CDKAL1: variants seen among roughly 807,000 people sequenced by gnomAD.
CDKAL1 encodes CDKAL1 threonylcarbamoyladenosine tRNA methylthiotransferase, also known as threonylcarbamoyladenosine tRNA methylthiotransferase.
CDKAL1 carries 32 observed loss-of-function variants against 68.2 expected under a neutral mutation model. That is an observed-to-expected ratio of 0.47 (90% CI 0.35 to 0.63). CDKAL1 has a LOEUF of 0.63. CDKAL1 is among the 30% of genes least tolerant of loss of function. The pLI is 0.00. For synonymous variants in CDKAL1, 234 were observed against 244.3 expected, an observed-to-expected ratio of 0.96 and a Z score of 0.39; for missense variants, 606 against 696.7, an observed-to-expected ratio of 0.87 and a Z score of 1.47.
At chr6:21,223,285 C>T (rs1779603549) in intron 15 of CDKAL1, among the ~76,000 whole-genome samples, 1 of 152,100 alleles carries the variant, frequency 6.6e-6, no homozygotes, top group Admixed American at 6.5e-5. Context: ...TAAAGCCAGG[C>T]CACTCATCTG....
chr6:20,864,549 G>A (rs896413978), intron 9 of CDKAL1, among the ~76,000 whole-genome samples: 1 of 152,114 alleles, frequency 6.6e-6, no homozygotes, highest in African/African-American at 2.4e-5. Flanking sequence ...ATTTCTAACT[G>A]TGACTGATAG....
intron 8 of CDKAL1, among the ~76,000 whole-genome samples, chr6:20,791,034 G>A (rs1478672981): frequency 3.9e-5 from 6 of 152,152 alleles, no homozygotes; most frequent in African/African-American, 7.2e-5. Flanking sequence ...TTCTCAATCC[G>A]GTCCGTGGAT....
chr6:20,650,021 A>G (rs1044811986), intron 5 of CDKAL1, among the ~76,000 whole-genome samples: 1 of 152,178 alleles, frequency 6.6e-6, no homozygotes, highest in Non-Finnish European at 1.5e-5. Context: ...GCTGCAATGA[A>G]CATATGTGTG....
At chr6:20,901,681 GA>G (rs77788195) in intron 9 of CDKAL1, among the ~76,000 whole-genome samples, 108 of 86,334 alleles carry the variant, frequency 1.3e-3, no homozygotes, top group Admixed American at 4.3e-3. Flanking sequence ...ACTCCATCTG[GA>G]AAAAAAAAAA....
intron 5 of CDKAL1, among the ~76,000 whole-genome samples, chr6:20,664,555 A>G (rs1244157346): frequency 6.6e-6 from 1 of 152,176 alleles, no homozygotes; most frequent in African/African-American, 2.4e-5. Flanking sequence ...CAAATGAGAA[A>G]ATGGTTTGAG....
At chr6:21,154,277 A>T (rs1776543477) in intron 13 of CDKAL1, among the ~76,000 whole-genome samples, 1 of 152,228 alleles carries the variant, frequency 6.6e-6, no homozygotes, top group African/African-American at 2.4e-5. Context: ...CTTTAAACTT[A>T]ACTGCAAAGA....
intron 9 of CDKAL1, among the ~76,000 whole-genome samples, chr6:20,953,490 C>T (rs1196563352): frequency 1.3e-5 from 2 of 152,114 alleles, no homozygotes; most frequent in Non-Finnish European, 2.9e-5. Context: ...GGATAATGTC[C>T]TGTTTTTATA....
chr6:20,775,829 G>A (rs1581556820), intron 7 of CDKAL1, among the ~76,000 whole-genome samples: 2 of 152,252 alleles, frequency 1.3e-5, no homozygotes, highest in South Asian at 4.2e-4. Context: ...CTTGAAAGAG[G>A]ATTTCTAAAT....
intron 13 of CDKAL1, among the ~76,000 whole-genome samples, chr6:21,174,147 A>G (rs1435579591): frequency 6.6e-6 from 1 of 152,216 alleles, no homozygotes; most frequent in African/African-American, 2.4e-5. Context: ...ATAGAAAAAG[A>G]TCTCATTCGC....
At chr6:20,909,918 G>A (rs1390512302) in intron 9 of CDKAL1, among the ~76,000 whole-genome samples, 1 of 152,182 alleles carries the variant, frequency 6.6e-6, no homozygotes, top group African/African-American at 2.4e-5. Flanking sequence ...CGGGAAAACA[G>A]TCTTACTAAT....
chr6:20,804,508 A>G (rs1776486726), intron 8 of CDKAL1, among the ~76,000 whole-genome samples: 1 of 152,264 alleles, frequency 6.6e-6, no homozygotes, highest in African/African-American at 2.4e-5. Flanking sequence ...AAAGAAACAT[A>G]ATAATTTGTG....
chr6:20,550,223 C>A (rs956926009), intron 4 of CDKAL1, among the ~76,000 whole-genome samples: 6 of 150,608 alleles, frequency 4.0e-5, no homozygotes, highest in African/African-American at 1.5e-4. Flanking sequence ...GGTGATTTAC[C>A]TGCCTTGGCC....
At chr6:20,881,295 T>C (rs536456624) in intron 9 of CDKAL1, among the ~76,000 whole-genome samples, 60 of 152,364 alleles carry the variant, frequency 3.9e-4, no homozygotes, top group African/African-American at 1.4e-3. Flanking sequence ...GGTCTGGGAC[T>C]ACACTCCAAG....
At chr6:20,928,069 T>C (rs1274147264) in intron 9 of CDKAL1, among the ~76,000 whole-genome samples, 1 of 152,152 alleles carries the variant, frequency 6.6e-6, no homozygotes, top group African/African-American at 2.4e-5. Context: ...TCATTAATGT[T>C]TGGTGAGAGC....
intron 11 of CDKAL1, among the ~76,000 whole-genome samples, chr6:21,005,345 A>G (rs952585963): frequency 2.0e-5 from 3 of 152,240 alleles, no homozygotes; most frequent in African/African-American, 7.2e-5. Context: ...TTTTAATGCT[A>G]AGTAAAAGAA....
chr6:21,160,656 C>CGTGTGT (rs1554189725), intron 13 of CDKAL1, among the ~76,000 whole-genome samples: 1 of 127,988 alleles, frequency 7.8e-6, no homozygotes, highest in Non-Finnish European at 1.7e-5. Context: ...CACACACACA[C>CGTGTGT]GTGTGTGTGT....
intron 9 of CDKAL1, among the ~76,000 whole-genome samples, chr6:20,872,214 C>T (rs796813143): frequency 2.8e-4 from 42 of 152,104 alleles, no homozygotes; most frequent in African/African-American, 9.6e-4. Flanking sequence ...TAAATGAAAA[C>T]GTGTGTGAAA....
chr6:20,570,440 G>A (rs1316839270), intron 4 of CDKAL1, among the ~76,000 whole-genome samples: 2 of 150,320 alleles, frequency 1.3e-5, no homozygotes, highest in East Asian at 2.0e-4. Flanking sequence ...TCACTCTGTC[G>A]CCTAGGCTGG....
At chr6:21,170,737 T>C (rs1239282376) in intron 13 of CDKAL1, among the ~76,000 whole-genome samples, 3 of 152,218 alleles carry the variant, frequency 2.0e-5, no homozygotes, top group African/African-American at 4.8e-5. Context: ...TTTACTGATA[T>C]TTTCATGTTG....
Sources: gnomAD v4.1 joint callset for allele counts (sites outside exome capture counted in the v4.1 genomes callset) on GRCh38, gnomAD v4.1.1 for gene constraint, MANE v1.5 for transcripts, NCBI Gene and HGNC (gene_info 2026-07-23, HGNC 2026-07-21) for gene names.